Variants in ALOXE3 observed in about 807,000 individuals in gnomAD.
The protein encoded by ALOXE3 is arachidonate epidermal lipoxygenase 3.
ALOXE3 carries 78 observed loss-of-function variants against 87.5 expected under a neutral mutation model. That is an observed-to-expected ratio of 0.89 (90% confidence interval 0.74 to 1.08). The LOEUF (loss-of-function observed/expected upper bound fraction) is 1.08. Among genes scored for constraint, ALOXE3 ranks in the 50% least tolerant of loss-of-function variants. The probability of loss-of-function intolerance (pLI) is 0.00; values close to 1 mark genes in which losing one functional copy is unlikely to be tolerated. For synonymous variants in ALOXE3, 363 were observed against 370.8 expected, an observed-to-expected ratio of 0.98 and a Z score of 0.24; for missense variants, 946 against 912.4, an observed-to-expected ratio of 1.04 and a Z score of -0.47.
intron 11 of ALOXE3, among the ~76,000 whole-genome samples, chr17:8,109,604 A>T (rs1395205457): frequency 6.7e-6 from 1 of 149,852 alleles, no homozygotes; most frequent in Non-Finnish European, 1.5e-5. Flanking sequence ...GCTCAGGGTC[A>T]GCTGAGGGTA....
At chr17:8,108,229 G>T (rs1339088373) in intron 13 of ALOXE3, among the ~76,000 whole-genome samples, 1 of 152,162 alleles carries the variant, frequency 6.6e-6, no homozygotes, top group Non-Finnish European at 1.5e-5. Context: ...TTGTGGAAAG[G>T]TCAAGGGACC....
Position 8,104,160 on chromosome 17 carries a change from G to A in ALOXE3, c.1740C>T (p.Ile580=), listed in dbSNP as rs1979113647. The change falls in exon 14 of 16, where the codon ATC becomes ATT. Residue 580 remains isoleucine (I), a synonymous_variant. Transcript: ENST00000448843. ...PGEMVKFLTA[I]IFNCSAQHAA... The stretch of plus-strand genomic sequence containing the variant: ...CGTGCTGGGCAGAGCAATTGAAGAT[G>A]ATTGCAGTGAGGAACTTCACCATCT... The A allele has an allele frequency of 6.2e-7, 1 of 1,613,880 alleles. No homozygotes were observed. Among genetic ancestry groups the A allele is most frequent in the Non-Finnish European group, 8.5e-7 (1 of 1,180,004 alleles).
chr17:8,114,809 T>C (rs2151844891), intron 5 of ALOXE3, 129 bp downstream of exon 5: 1 of 1,500,354 alleles, frequency 6.7e-7, no homozygotes, highest in Non-Finnish European at 9.2e-7. Context: ...CCATCTCCCA[T>C]CCTGATGCTT....
chr17:8,097,689 C>T (rs1978631572), intron 15 of ALOXE3, among the ~76,000 whole-genome samples: 1 of 152,046 alleles, frequency 6.6e-6, no homozygotes. Context: ...AGCCTCCTAA[C>T]CAGCACACAC....
intron 6 of ALOXE3, among the ~76,000 whole-genome samples, chr17:8,113,164 C>T (rs915045212): frequency 6.6e-6 from 1 of 152,184 alleles, no homozygotes; most frequent in Admixed American, 6.5e-5. Context: ...TGAACTCCTC[C>T]TTGCACACAT....
chr17:8,096,160 C>A lies in ALOXE3; in HGVS notation c.*467G>T. 5.6e-6 allele frequency: 1 copy of A among 179,368 alleles called. No individual in the cohort carries two copies. The highest frequency in any genetic ancestry group is 1.2e-5 in the Non-Finnish European group (1 of 83,694). 11.1% of individuals were successfully genotyped at this position (179,368 alleles called of 1,614,324 possible). On this transcript the variant is annotated 3_prime_UTR_variant, in exon 16 of 16. Transcript: ENST00000448843. ...CACATGTTAGACCCAGGCACACAGT[C>A]CTTCTGTGCCCAGTTTCCAGGCTTT...
At chr17:8,108,027 GAAAGAAAGAA>G in intron 13 of ALOXE3, among the ~76,000 whole-genome samples, 1 of 81,282 alleles carries the variant, frequency 1.2e-5, no homozygotes, top group East Asian at 2.4e-4. Context: ...AAGAAAGAAA[GAAAGAAAGAA>G]AGAAAGAAAG....
rs138838450 is a variant in ALOXE3, at chr17:8,098,638, A to G, written c.1957-1832T>C. 3.7e-3 allele frequency among the ~76,000 whole-genome samples: 557 copies of G among 152,310 alleles called. 4 individuals are homozygous for G. Among genetic ancestry groups the G allele is most frequent in the Non-Finnish European group, 5.5e-3 (373 of 68,032 alleles). The stretch of plus-strand genomic sequence containing the variant: ...CACATTTATCAAATGCTTTTTCAGC[A>G]CATATTGAGATAATTATATGGTATG... On this transcript the variant is annotated intron_variant, in intron 15 of 15. Transcript: ENST00000448843.
In ALOXE3 at chr17:8,104,037, C is replaced by T. The variant is rs575386149; in HGVS notation, c.1785+78G>A. The T allele has an allele frequency of 5.3e-6, 7 of 1,325,490 alleles. No individual in the cohort carries two copies. In the South Asian group the frequency reaches 6.2e-5, roughly 12 times the overall value. The allele number at this position is 1,325,490 out of a possible 1,614,324, so 82.1% of individuals were successfully genotyped here. On this transcript the variant is annotated intron_variant, in intron 14 of 15. Transcript: ENST00000448843. ...AAACCCACCCCAACGCTGACCCACC[C>T]AAGCTCTCAACCCAAATTCAGGCCT...
Position 8,112,705 on chromosome 17 carries a change from G to A in ALOXE3, c.681-509C>T, listed in dbSNP as rs114254145. On this transcript the variant is annotated intron_variant, in intron 6 of 15. Transcript: ENST00000448843. Reference sequence around the variant, plus strand: ...GCTTTGTACACTGGAAGGTAGAAGAGGGGCTGGCACGTGGAGAGATGCATA... The same window carrying A: ...GCTTTGTACACTGGAAGGTAGAAGAAGGGCTGGCACGTGGAGAGATGCATA... 5.9e-3 allele frequency among the ~76,000 whole-genome samples: 901 copies of A among 152,304 alleles called. 11 individuals are homozygous for A. The highest frequency in any genetic ancestry group is 0.021 in the African/African-American group (869 of 41,554).
upstream of ALOXE3, chr17:8,118,585 C>T (rs1473517989): frequency 2.0e-6 from 3 of 1,528,368 alleles, no homozygotes; most frequent in East Asian, 7.4e-5. Context: ...GCAGGTGAGT[C>T]GCACACGCAT....
intron 14 of ALOXE3, among the ~76,000 whole-genome samples, chr17:8,103,809 G>T (rs551197953): frequency 6.6e-6 from 1 of 152,148 alleles, no homozygotes; most frequent in South Asian, 2.1e-4. Context: ...CCTAGAAAAG[G>T]GCCTTGGGTT....
chr17:8,099,127 G>A (rs1466787842), intron 15 of ALOXE3, among the ~76,000 whole-genome samples: 1 of 150,768 alleles, frequency 6.6e-6, no homozygotes, highest in African/African-American at 2.4e-5. Flanking sequence ...CAAAGTGCTG[G>A]GATTACAGGC....
Position 8,118,500 on chromosome 17 carries a change from G to GTGAA in ALOXE3, c.-332_-329dup, listed in dbSNP as rs777840641. The stretch of plus-strand genomic sequence containing the variant: ...GCACAGGGCACCTGCATTCCTACGT[G>GTGAA]TGAATCATCCGTGTGAATCACTAAA... On this transcript the variant is annotated 5_prime_UTR_variant, in exon 1 of 16. An upstream open reading frame in the 5' UTR loses its in-frame stop. Coordinates refer to ENST00000448843, the MANE Select transcript of ALOXE3 (RefSeq NM_021628.3). 87 of 1,541,938 alleles carry GTGAA rather than the reference G, an allele frequency of 5.6e-5. No individual in the cohort carries two copies. Among genetic ancestry groups the GTGAA allele is most frequent in the Middle Eastern group, 1.7e-4 (1 of 6,006 alleles).
chr17:8,097,100 A>G (rs1376419490), intron 15 of ALOXE3, among the ~76,000 whole-genome samples: 1 of 152,160 alleles, frequency 6.6e-6, no homozygotes, highest in Non-Finnish European at 1.5e-5. Context: ...TTGAGACTCA[A>G]TTCCTGCATC....
rs369664296 is a variant in ALOXE3, at chr17:8,113,490, T to C, written c.680+994A>G. ...CAACATGGTGAAACCCCGTCTCTAC[T>C]AAAAATGCAAAAATTAGCCAGGCGT... On this transcript the variant is annotated intron_variant, in intron 6 of 15. Transcript: ENST00000448843. Among the ~76,000 whole-genome samples the C allele has an allele frequency of 1.4e-3, 214 of 151,978 alleles. 4 individuals are homozygous for C. In the East Asian group the frequency reaches 0.032, roughly 23 times the overall value.
chr17:8,109,946 C>T lies in ALOXE3; in HGVS notation c.1362G>A (p.Thr454=), dbSNP rs1050506203. 2 of 1,551,122 alleles carry T rather than the reference C, an allele frequency of 1.3e-6. No individual in the cohort carries two copies. Among genetic ancestry groups the T allele is most frequent in the African/African-American group, 2.7e-5 (2 of 73,010 alleles). Residue 454 remains threonine, a synonymous_variant, in exon 11 of 16, where the codon ACG becomes ACA. Coordinates refer to ENST00000448843, the MANE Select transcript of ALOXE3 (RefSeq NM_021628.3). ...TLQVNTIARA[T]LLNPEGLVDQ... ...CCACGAGGCCCTCGGGGTTGAGCAGCGTGGCCCTCGCGATGGTGTTCACCT... is the reference window on the plus strand; with the variant it reads ...CCACGAGGCCCTCGGGGTTGAGCAGTGTGGCCCTCGCGATGGTGTTCACCT...
intron 14 of ALOXE3, 63 bp from the exon 15 acceptor site, chr17:8,103,556 A>G: frequency 6.4e-7 from 1 of 1,556,318 alleles, no homozygotes; most frequent in South Asian, 1.1e-5. Context: ...CTCCCTCTTC[A>G]CCATCCCTGA....
Position 8,107,958 on chromosome 17 carries a change from A to AAAGGAAGG in ALOXE3, c.1684+502_1684+509dup, listed in dbSNP as rs1167815488. ...GAAAGAAAGAAAGAAAGAAAGAAAGAAAGGAAGGAGAGAGAGAGAGAGAGA... is the reference window on the plus strand; with the variant it reads ...GAAAGAAAGAAAGAAAGAAAGAAAGAAAGGAAGGAAGGAAGGAGAGAGAGAGAGAGAGA... On this transcript the variant is annotated intron_variant, in intron 13 of 15. Transcript: ENST00000448843. Among the ~76,000 whole-genome samples the AAAGGAAGG allele has an allele frequency of 6.4e-4, 2 of 3,142 alleles. 1 individual carries two copies. The highest frequency in any genetic ancestry group is 1.7e-3 in the Non-Finnish European group (2 of 1,210). 2.1% of individuals were successfully genotyped at this position (3,142 alleles called of 152,430 possible). A position where few individuals can be genotyped will look rare whatever the true frequency, so the allele number is the denominator to read the frequency against.
Sources: allele counts gnomAD v4.1 joint callset (sites outside exome capture counted in the v4.1 genomes callset), GRCh38; gene constraint gnomAD v4.1.1; transcripts MANE v1.5; gene names NCBI Gene and HGNC (gene_info 2026-07-23, HGNC 2026-07-21).